Variants in TMEM273 observed in about 807,000 individuals in gnomAD.
The protein encoded by TMEM273 is transmembrane protein 273.
TMEM273 carries 19 observed loss-of-function variants against 17.9 expected under a neutral mutation model. The observed-to-expected ratio is 1.06, with a 90% CI of 0.74 to 1.55. The LOEUF is 1.55. Ranked by LOEUF, TMEM273 falls within the 40% of genes most tolerant of loss-of-function variation. The pLI, the probability that TMEM273 is intolerant of heterozygous loss-of-function variation, is 0.00. For missense variants in TMEM273, 194 were observed against 155.6 expected (o/e 1.25, Z -1.31); for synonymous variants, 66 against 62.0 (o/e 1.07, Z -0.31).
At chr10:49,161,549 A>G in intron 6 of TMEM273, 50 bp downstream of exon 6, 1 of 1,613,222 alleles carries the variant, frequency 6.2e-7, no homozygotes, top group East Asian at 2.2e-5. Flanking sequence ...CCCATGGGGC[A>G]GAGACTGCCT....
intron 6 of TMEM273, among the ~76,000 whole-genome samples, chr10:49,159,612 G>C (rs1380292742): frequency 2.0e-5 from 3 of 152,160 alleles, no homozygotes; most frequent in African/African-American, 7.2e-5. Context: ...AAAGGGCCTA[G>C]AAGCAATGAC....
At chr10:49,169,571 T>C (rs1176064387) in intron 1 of TMEM273, among the ~76,000 whole-genome samples, 1 of 152,234 alleles carries the variant, frequency 6.6e-6, no homozygotes, top group Non-Finnish European at 1.5e-5. Flanking sequence ...GAAAATTCAA[T>C]GACTTATCTT....
In TMEM273 at chr10:49,155,686, G is replaced by C; in HGVS notation, c.*206C>G. On this transcript the variant is annotated 3_prime_UTR_variant, in exon 7 of 7. Transcript: ENST00000374153. The stretch of plus-strand genomic sequence containing the variant: ...GCTCAATCCTTCCTCTGTGCAGTCC[G>C]TTTCTTCCAGAAGAGGCATGATATT... 1.5e-6 allele frequency: 1 copy of C among 685,580 alleles called. No individual in the cohort carries two copies. Among genetic ancestry groups the C allele is most frequent in the Admixed American group, 2.7e-5 (1 of 36,386 alleles). 42.5% of individuals were successfully genotyped at this position (685,580 alleles called of 1,614,324 possible).
At chr10:49,163,455 A>G (rs896115924) in intron 5 of TMEM273, among the ~76,000 whole-genome samples, 2 of 152,090 alleles carry the variant, frequency 1.3e-5, no homozygotes, top group African/African-American at 4.8e-5. Flanking sequence ...CAGCAAGAGG[A>G]GTGCTGTGTG....
chr10:49,165,832 G>T (rs374736423), intron 3 of TMEM273, 36 bp from the exon 4 acceptor site: 1 of 1,613,606 alleles, frequency 6.2e-7, no homozygotes, highest in Non-Finnish European at 8.5e-7. Flanking sequence ...GAAGGGGGTC[G>T]TGTGACAAGA....
rs1590168567 is a variant in TMEM273 at position 49,155,733 on chromosome 10, G to A, written c.*159C>T. ...TATTTTCCTTCAGGACAGAGGCACT[G>A]TATATTCTATTCCTTCTATTATTTG... On this transcript the variant is annotated 3_prime_UTR_variant, in exon 7 of 7. Transcript: ENST00000374153. 1.0e-6 allele frequency: 1 copy of A among 978,054 alleles called. No homozygotes were observed. The highest frequency in any genetic ancestry group is 1.6e-6 in the Non-Finnish European group (1 of 644,994). 60.6% of individuals were successfully genotyped at this position (978,054 alleles called of 1,614,324 possible).
At chr10:49,164,119 T>G (rs1158181731) in intron 5 of TMEM273, among the ~76,000 whole-genome samples, 6 of 152,016 alleles carry the variant, frequency 3.9e-5, no homozygotes, top group Non-Finnish European at 8.8e-5. Flanking sequence ...TTACTAGACA[T>G]CTCCTCTACA....
intron 6 of TMEM273, among the ~76,000 whole-genome samples, chr10:49,157,841 C>T (rs989872746): frequency 1.3e-5 from 2 of 152,204 alleles, no homozygotes; most frequent in Non-Finnish European, 2.9e-5. Flanking sequence ...CCAATGCAAT[C>T]AGAGAGGAGA....
chr10:49,172,417 G>T (rs993098679), intron 1 of TMEM273, among the ~76,000 whole-genome samples: 1 of 152,180 alleles, frequency 6.6e-6, no homozygotes, highest in African/African-American at 2.4e-5. Flanking sequence ...GGAACAGGGT[G>T]CAGAGTGGGC....
chr10:49,186,072 G>GAAGAAGAAGAAT (rs1395063666), intron 1 of TMEM273, among the ~76,000 whole-genome samples: 1 of 136,868 alleles, frequency 7.3e-6, no homozygotes, highest in African/African-American at 3.0e-5. Context: ...AGAAGAGGAA[G>GAAGAAGAAGAAT]AAGAAGAAGA....
chr10:49,166,421 C>A, intron 3 of TMEM273: 1 of 227,756 alleles, frequency 4.4e-6, no homozygotes, highest in Non-Finnish European at 8.8e-6. Flanking sequence ...AACCTCCCAC[C>A]ATCCGCCCAC....
chr10:49,159,475 G>T (rs1845707975), intron 6 of TMEM273, among the ~76,000 whole-genome samples: 1 of 152,176 alleles, frequency 6.6e-6, no homozygotes. Context: ...AAAATATTAT[G>T]TGGTGGAAAA....
chr10:49,178,388 C>T (rs945293898), intron 1 of TMEM273: 24 of 433,728 alleles, frequency 5.5e-5, no homozygotes, highest in African/African-American at 4.0e-4. Flanking sequence ...AGCAATGGCC[C>T]AGCAAGACCA....
At chr10:49,162,091 T>A (rs941919508) in intron 5 of TMEM273, among the ~76,000 whole-genome samples, 4 of 152,322 alleles carry the variant, frequency 2.6e-5, no homozygotes, top group Non-Finnish European at 5.9e-5. Flanking sequence ...TCTATAGCCC[T>A]GATAGCTCAA....
At chr10:49,185,401 C>T (rs1245909739) in intron 1 of TMEM273, among the ~76,000 whole-genome samples, 2 of 151,988 alleles carry the variant, frequency 1.3e-5, no homozygotes, top group Admixed American at 1.3e-4. Context: ...CCCCATAGCC[C>T]CCAAGTCCCC....
intron 3 of TMEM273, 149 bp downstream of exon 3, chr10:49,166,720 G>T: frequency 1.7e-6 from 2 of 1,161,388 alleles, no homozygotes; most frequent in South Asian, 1.3e-5. Context: ...TAGTGAGAGA[G>T]ACAGAAACAT....
chr10:49,155,845 TTTC>T lies in TMEM273; in HGVS notation c.*44_*46del, dbSNP rs1355380703. On this transcript the variant is annotated 3_prime_UTR_variant, in exon 7 of 7. Transcript: ENST00000374153. Reference sequence around the variant, plus strand: ...TCCTGAGATGTTAACCATGGGCTGTTTTCCACGGGGCTAGAACCCCTCTTCACG... The same window carrying T: ...TCCTGAGATGTTAACCATGGGCTGTTCACGGGGCTAGAACCCCTCTTCACG... The T allele has an allele frequency of 2.5e-6, 4 of 1,613,938 alleles. No homozygotes were observed. Among genetic ancestry groups the T allele is most frequent in the Non-Finnish European group, 3.4e-6 (4 of 1,180,008 alleles).
chr10:49,176,062 C>T (rs1846942927), intron 1 of TMEM273, among the ~76,000 whole-genome samples: 1 of 152,242 alleles, frequency 6.6e-6, no homozygotes, highest in South Asian at 2.1e-4. Flanking sequence ...CCATTGTCAG[C>T]CTGTGGCCTT....
chr10:49,166,159 C>G (rs1846170507), intron 3 of TMEM273, among the ~76,000 whole-genome samples: 1 of 152,156 alleles, frequency 6.6e-6, no homozygotes, highest in Admixed American at 6.5e-5. Context: ...CCCAGAAGCA[C>G]CCCATGGAAA....
Sources: gnomAD v4.1 joint callset for allele counts (sites outside exome capture counted in the v4.1 genomes callset) on GRCh38, gnomAD v4.1.1 for gene constraint, MANE v1.5 for transcripts, NCBI Gene and HGNC (gene_info 2026-07-23, HGNC 2026-07-21) for gene names.